UBXN2A: variants seen among roughly 807,000 people sequenced by gnomAD.
UBXN2A encodes UBX domain protein 2A.
In UBXN2A, 28 loss-of-function variants were observed where a neutral mutation model predicts 28.4. That is an observed-to-expected ratio of 0.99 (90% CI 0.73 to 1.35). The LOEUF is 1.35. Among genes scored for constraint, UBXN2A ranks in the 40% most tolerant of loss-of-function variants. The pLI, the probability that UBXN2A is intolerant of heterozygous loss-of-function variation, is 0.00. For synonymous variants in UBXN2A, 97 were observed against 103.6 expected (o/e 0.94, Z 0.39); for missense variants, 253 against 297.9 (o/e 0.85, Z 1.11).
At chr2:23,982,548 C>A (rs183442319) in intron 4 of UBXN2A, among the ~76,000 whole-genome samples, 22 of 152,144 alleles carry the variant, frequency 1.4e-4, no homozygotes, top group African/African-American at 5.3e-4. Flanking sequence ...ATAATCCCAG[C>A]ACTTTGGGAG....
chr2:23,995,720 A>G (rs1708505018), intron 6 of UBXN2A, among the ~76,000 whole-genome samples: 1 of 151,830 alleles, frequency 6.6e-6, no homozygotes, highest in Non-Finnish European at 1.5e-5. Flanking sequence ...GAAAAAAAAA[A>G]GAAAATGCAT....
At chr2:23,943,944 A>G (rs1174743941) in intron 1 of UBXN2A, 7 of 433,154 alleles carry the variant, frequency 1.6e-5, no homozygotes, top group East Asian at 5.2e-5. Flanking sequence ...TTTGGGAATC[A>G]TGGCCAAAGA....
At chr2:23,999,521 T>C in intron 6 of UBXN2A, 151 bp from the exon 7 acceptor site, 1 of 823,078 alleles carries the variant, frequency 1.2e-6, no homozygotes, top group African/African-American at 1.7e-5. Flanking sequence ...GGAGTTATTA[T>C]GATGGCACCA....
intron 1 of UBXN2A, among the ~76,000 whole-genome samples, chr2:23,932,438 G>C (rs1190925206): frequency 1.3e-5 from 2 of 152,074 alleles, no homozygotes; most frequent in East Asian, 3.8e-4. Flanking sequence ...TAAGGATAAA[G>C]CTAAGTATGA....
chr2:23,998,735 A>G (rs1462464996), intron 6 of UBXN2A, among the ~76,000 whole-genome samples: 1 of 151,936 alleles, frequency 6.6e-6, no homozygotes, highest in East Asian at 1.9e-4. Flanking sequence ...AAAAGAAAAG[A>G]ATCTTTTTTT....
At chr2:23,928,193 GA>G (rs1468280357) in intron 1 of UBXN2A, among the ~76,000 whole-genome samples, 9 of 141,324 alleles carry the variant, frequency 6.4e-5, no homozygotes, top group Non-Finnish European at 1.2e-4. Context: ...AAAAAAAGAA[GA>G]AAGAGAGAGA....
chr2:23,991,714 C>T (rs1708360012), intron 6 of UBXN2A, among the ~76,000 whole-genome samples: 2 of 152,072 alleles, frequency 1.3e-5, no homozygotes, highest in South Asian at 2.1e-4. Context: ...TCAGGTGGTC[C>T]GCTCACCTTG....
rs914845244 is a variant in UBXN2A at position 24,001,815 on chromosome 2, G to A, written c.*1948G>A. On this transcript the variant is annotated 3_prime_UTR_variant, in exon 7 of 7. Transcript: ENST00000309033. ...TCTACTAAAAATACAAAAAAAATTA[G>A]CTGGGTGTGGTGGCATGCGCCTGTA... is the stretch of plus-strand genomic sequence containing the variant. The A allele has an allele frequency of 2.0e-5, 3 of 151,942 alleles. No individual in the cohort carries two copies. The highest frequency in any genetic ancestry group is 4.4e-5 in the Non-Finnish European group (3 of 68,014). 9.4% of individuals were successfully genotyped at this position (151,942 alleles called of 1,614,324 possible).
chr2:23,959,369 G>A (rs997153634), intron 2 of UBXN2A, among the ~76,000 whole-genome samples: 1 of 152,052 alleles, frequency 6.6e-6, no homozygotes, highest in African/African-American at 2.4e-5. Context: ...GCAGGTACCA[G>A]TAGTCCCAGC....
At chr2:23,985,145 C>G (rs1433097158) in intron 6 of UBXN2A, among the ~76,000 whole-genome samples, 1 of 152,112 alleles carries the variant, frequency 6.6e-6, no homozygotes, top group Non-Finnish European at 1.5e-5. Context: ...ACTGTGTTGC[C>G]CACACTGGTC....
intron 3 of UBXN2A, among the ~76,000 whole-genome samples, chr2:23,973,863 C>G (rs952280193): frequency 2.0e-5 from 3 of 152,240 alleles, no homozygotes; most frequent in African/African-American, 7.2e-5. Flanking sequence ...AACTCCTGAC[C>G]TGGTGATCCA....
intron 6 of UBXN2A, among the ~76,000 whole-genome samples, chr2:23,992,872 A>G (rs1708402528): frequency 6.6e-6 from 1 of 152,180 alleles, no homozygotes; most frequent in Non-Finnish European, 1.5e-5. Context: ...TGTATTTAAA[A>G]CTATCTCTTG....
chr2:23,956,270 A>C (rs771780437), intron 1 of UBXN2A, among the ~76,000 whole-genome samples: 2 of 151,698 alleles, frequency 1.3e-5, no homozygotes, highest in Non-Finnish European at 2.9e-5. Context: ...TTAGATGTTC[A>C]GTTTACCAGA....
intron 1 of UBXN2A, among the ~76,000 whole-genome samples, chr2:23,957,803 C>T (rs1706703443): frequency 6.6e-6 from 1 of 152,134 alleles, no homozygotes; most frequent in Non-Finnish European, 1.5e-5. Flanking sequence ...CATTGCACTC[C>T]AGCCTGGGCA....
intron 1 of UBXN2A, among the ~76,000 whole-genome samples, chr2:23,943,268 A>C (rs1705862728): frequency 6.6e-6 from 1 of 151,768 alleles, no homozygotes; most frequent in East Asian, 2.0e-4. Flanking sequence ...TTTTTATTTC[A>C]AAAAGTCGTC....
chr2:23,933,815 T>C (rs752861963), intron 1 of UBXN2A, among the ~76,000 whole-genome samples: 25 of 152,252 alleles, frequency 1.6e-4, no homozygotes, highest in Non-Finnish European at 3.2e-4. Context: ...AGGCCATCAA[T>C]GAAGAGATGG....
At chr2:23,956,220 T>A (rs1706617256) in intron 1 of UBXN2A, among the ~76,000 whole-genome samples, 1 of 152,190 alleles carries the variant, frequency 6.6e-6, no homozygotes. Context: ...ATATTTTTGT[T>A]TTATTCAATG....
intron 1 of UBXN2A, among the ~76,000 whole-genome samples, chr2:23,934,236 A>G (rs1158143789): frequency 6.6e-6 from 1 of 152,184 alleles, no homozygotes; most frequent in Non-Finnish European, 1.5e-5. Context: ...AATTGTTGAC[A>G]TTAGAATTGT....
chr2:23,942,463 A>T (rs1705815093), intron 1 of UBXN2A, among the ~76,000 whole-genome samples: 4 of 122,234 alleles, frequency 3.3e-5, no homozygotes. Context: ...TCGCTCTGTC[A>T]CCCAGGCTGG....
Sources: gnomAD v4.1 joint callset for allele counts (sites outside exome capture counted in the v4.1 genomes callset) on GRCh38, gnomAD v4.1.1 for gene constraint, MANE v1.5 for transcripts, NCBI Gene and HGNC (gene_info 2026-07-23, HGNC 2026-07-21) for gene names.